Variants in EYS observed in about 807,000 individuals in gnomAD.
The protein encoded by EYS is EGF-like photoreceptor maintenance factor.
A neutral mutation model predicts 282.1 loss-of-function variants in EYS; 250 were observed. That is an observed-to-expected ratio of 0.89 (90% confidence interval 0.80 to 0.98). The LOEUF (loss-of-function observed/expected upper bound fraction) is 0.98, where lower values mean the gene tolerates loss of function less well. EYS is among the 50% of genes least tolerant of loss of function. EYS has a pLI of 0.00. For missense variants in EYS, 4,016 were observed against 3,709.0 expected, an observed-to-expected ratio of 1.08 and a Z score of -2.15; for synonymous variants, 1,355 against 1,282.9, an observed-to-expected ratio of 1.06 and a Z score of -1.20.
At chr6:64,645,827 T>G (rs1369671144) in intron 22 of EYS, among the ~76,000 whole-genome samples, 1 of 152,176 alleles carries the variant, frequency 6.6e-6, no homozygotes, top group East Asian at 1.9e-4. Context: ...AAAAATTAAA[T>G]TTACATTATT....
rs369378195 is a variant in EYS, at chr6:65,181,879, T to G, written c.2023+113984A>C. ...TACACCATGGAATACTATGCAGCCA[T>G]AAAAAATGATGAGTTCATGTCCTTT... On this transcript the variant is annotated intron_variant, in intron 12 of 42. Coordinates refer to ENST00000503581, the MANE Select transcript of EYS (RefSeq NM_001142800.2). Among the ~76,000 whole-genome samples, 4 of 152,142 alleles carry G rather than the reference T, an allele frequency of 2.6e-5. No homozygotes were observed. The East Asian group carries it at 5.8e-4, about 22-fold the overall frequency.
At chr6:64,642,199 G>T (rs888002422) in intron 22 of EYS, among the ~76,000 whole-genome samples, 1 of 152,156 alleles carries the variant, frequency 6.6e-6, no homozygotes, top group Admixed American at 6.5e-5. Flanking sequence ...TAGTCAGTTT[G>T]TTGTTCTGGT....
intron 2 of EYS, among the ~76,000 whole-genome samples, chr6:65,501,072 T>C (rs974948421): frequency 6.6e-6 from 1 of 152,006 alleles, no homozygotes; most frequent in Non-Finnish European, 1.5e-5. Flanking sequence ...ACACACTCTA[T>C]GAGTAGGCCT....
At chr6:65,177,925 T>C (rs1765268026) in intron 12 of EYS, among the ~76,000 whole-genome samples, 1 of 151,972 alleles carries the variant, frequency 6.6e-6, no homozygotes, top group Admixed American at 6.6e-5. Flanking sequence ...ATGATTTTTT[T>C]TCTCCACAGA....
intron 34 of EYS, among the ~76,000 whole-genome samples, chr6:63,993,468 A>C (rs192779313): frequency 1.2e-4 from 18 of 152,026 alleles, no homozygotes; most frequent in Admixed American, 5.9e-4. Context: ...AGAGCCAACA[A>C]ATTTAGCAAA....
At chr6:65,189,383 G>C (rs900352350) in intron 12 of EYS, among the ~76,000 whole-genome samples, 4 of 151,562 alleles carry the variant, frequency 2.6e-5, no homozygotes, top group African/African-American at 9.7e-5. Flanking sequence ...ATATCCTCCT[G>C]TACTCTATAA....
At chr6:65,322,814 GA>G (rs1402159465) in intron 11 of EYS, among the ~76,000 whole-genome samples, 3 of 141,068 alleles carry the variant, frequency 2.1e-5, no homozygotes, top group African/African-American at 8.2e-5. Context: ...AAAAAAAAAA[GA>G]AAAAAGAAAA....
intron 41 of EYS, among the ~76,000 whole-genome samples, chr6:63,753,657 C>G (rs558997814): frequency 6.6e-6 from 1 of 152,218 alleles, no homozygotes; most frequent in South Asian, 2.1e-4. Flanking sequence ...ATGATCCAAT[C>G]CCCTCCCTCC....
intron 36 of EYS, among the ~76,000 whole-genome samples, chr6:63,823,216 G>C (rs1468052953): frequency 6.6e-6 from 1 of 151,938 alleles, no homozygotes; most frequent in Non-Finnish European, 1.5e-5. Flanking sequence ...AGTGAAATTG[G>C]TCCATAGTTT....
intron 31 of EYS, among the ~76,000 whole-genome samples, chr6:64,224,555 A>G (rs1017206766): frequency 6.6e-6 from 1 of 152,080 alleles, no homozygotes; most frequent in African/African-American, 2.4e-5. Flanking sequence ...GTATTTGTTC[A>G]TTCTGGTTTC....
At chr6:64,256,906 C>A (rs1767421030) in intron 30 of EYS, among the ~76,000 whole-genome samples, 1 of 152,016 alleles carries the variant, frequency 6.6e-6, no homozygotes, top group Admixed American at 6.6e-5. Context: ...AAATCCATAT[C>A]TCTCCACTGG....
intron 36 of EYS, among the ~76,000 whole-genome samples, chr6:63,814,757 T>G (rs1771137370): frequency 6.6e-6 from 1 of 152,204 alleles, no homozygotes; most frequent in Non-Finnish European, 1.5e-5. Flanking sequence ...AAAAAATCCC[T>G]GAAACATATA....
chr6:63,958,952 C>T (rs1434450055), intron 35 of EYS, among the ~76,000 whole-genome samples: 1 of 152,186 alleles, frequency 6.6e-6, no homozygotes. Flanking sequence ...TACAAGGAGT[C>T]TAATGTTGTT....
At chr6:65,193,986 T>C (rs1262692424) in intron 12 of EYS, among the ~76,000 whole-genome samples, 1 of 151,914 alleles carries the variant, frequency 6.6e-6, no homozygotes, top group Non-Finnish European at 1.5e-5. Context: ...AAAATTGCCT[T>C]TCCTTATGAA....
At chr6:64,774,986 A>G (rs943718804) in intron 22 of EYS, among the ~76,000 whole-genome samples, 1 of 151,982 alleles carries the variant, frequency 6.6e-6, no homozygotes, top group Non-Finnish European at 1.5e-5. Context: ...AGGTATTTCT[A>G]GTGCCTATCA....
chr6:65,457,138 TTTGTTG>T (rs143012118), intron 5 of EYS, among the ~76,000 whole-genome samples: 9 of 151,556 alleles, frequency 5.9e-5, no homozygotes, highest in South Asian at 4.2e-4. Flanking sequence ...TTTTCTCTCT[TTTGTTG>T]TTGTTGTTGT....
chr6:65,530,690 G>T (rs1434573064), intron 2 of EYS, among the ~76,000 whole-genome samples: 7 of 151,884 alleles, frequency 4.6e-5, no homozygotes, highest in African/African-American at 1.7e-4. Context: ...GTTAACCTCA[G>T]TCAAGTTACT....
chr6:65,342,983 TTAAAGA>T (rs1770254508), intron 10 of EYS, among the ~76,000 whole-genome samples: 2 of 151,184 alleles, frequency 1.3e-5, no homozygotes, highest in Non-Finnish European at 3.0e-5. Context: ...GCTAAAAGTC[TTAAAGA>T]TAAAGCTGTA....
At position 65,345,909 on chromosome 6, in the gene EYS, G is replaced by A. The variant is rs1770375211; in HGVS notation, c.1460-1732C>T. ...AAAAAATTGGACTAGCAGAAATACT[G>A]AGATGCTCTGGGTTTAAAAAGCATC... On this transcript the variant is annotated intron_variant, in intron 9 of 42. Coordinates refer to ENST00000503581, the MANE Select transcript of EYS (RefSeq NM_001142800.2). 2.6e-5 allele frequency among the ~76,000 whole-genome samples: 4 copies of A among 151,756 alleles called. No homozygotes were observed. In the South Asian group the frequency reaches 8.3e-4, roughly 31 times the overall value.
Sources: gnomAD v4.1 joint callset for allele counts (sites outside exome capture counted in the v4.1 genomes callset) on GRCh38, gnomAD v4.1.1 for gene constraint, MANE v1.5 for transcripts, NCBI Gene and HGNC (gene_info 2026-07-23, HGNC 2026-07-21) for gene names.